Variants in ELP2 observed in about 807,000 individuals in gnomAD.
ELP2 encodes the protein elongator acetyltransferase complex subunit 2.
In ELP2, 90 loss-of-function variants were observed where a neutral mutation model predicts 119.2. That is an observed-to-expected ratio of 0.75 (90% CI 0.64 to 0.90). The LOEUF (loss-of-function observed/expected upper bound fraction) is 0.90, where lower values mean the gene tolerates loss of function less well. Ranked by LOEUF, ELP2 falls within the 40% of genes least tolerant of loss-of-function variation. The pLI is 0.00. For synonymous variants in ELP2, 339 were observed against 331.0 expected (o/e 1.02, Z -0.26); for missense variants, 921 against 967.8 (o/e 0.95, Z 0.64).
chr18:36,168,800 G>A (rs80267322), intron 19 of ELP2, among the ~76,000 whole-genome samples: 10,461 of 152,056 alleles, frequency 0.069, 442 homozygotes, highest in Non-Finnish European at 0.094. Flanking sequence ...AGCAGCATTC[G>A]CTGGACATTC....
In ELP2 at chr18:36,178,824, C is replaced by T. The variant is rs956574601; in HGVS notation, c.*4183C>T. ...TGTTTCATAATGATTGTGTGTGTGT[C>T]AAGGACTAGATGGGTTTTAGATGTG... On this transcript the variant is annotated 3_prime_UTR_variant, in exon 22 of 22. Coordinates refer to ENST00000358232, the MANE Select transcript of ELP2 (RefSeq NM_018255.4). The T allele has an allele frequency of 1.3e-5, 2 of 151,764 alleles. No homozygotes were observed. Among genetic ancestry groups the T allele is most frequent in the Non-Finnish European group, 2.9e-5 (2 of 67,996 alleles). The allele number at this position is 151,764 out of a possible 1,614,324, so 9.4% of individuals were successfully genotyped here. A position where few individuals can be genotyped will look rare whatever the true frequency, so the allele number is the denominator to read the frequency against.
chr18:36,135,014 CAT>C (rs2089777307), intron 2 of ELP2, among the ~76,000 whole-genome samples: 1 of 152,270 alleles, frequency 6.6e-6, no homozygotes, highest in Admixed American at 6.5e-5. Flanking sequence ...GGATTAGTCA[CAT>C]GTTAGGTCAA....
chr18:36,158,924 A>G lies in ELP2; in HGVS notation c.1534+20A>G. 6.4e-7 allele frequency: 1 copy of G among 1,572,604 alleles called. No individual in the cohort carries two copies. Among genetic ancestry groups the G allele is most frequent in the Non-Finnish European group, 8.8e-7 (1 of 1,142,334 alleles). Reference sequence around the variant, plus strand: ...TTCAGGGTAAGGCTTTTGTCTTCAAAATTATTAAACCCATAGTGGTACTTA... The same window carrying G: ...TTCAGGGTAAGGCTTTTGTCTTCAAGATTATTAAACCCATAGTGGTACTTA... On this transcript the variant is annotated intron_variant, in intron 14 of 21. Transcript: ENST00000358232.
chr18:36,143,088 TTTC>T, intron 8 of ELP2, 122 bp downstream of exon 8: 1 of 704,226 alleles, frequency 1.4e-6, no homozygotes, highest in Non-Finnish European at 2.3e-6. Context: ...CTACCTGAAA[TTTC>T]TTTTTTCTTT....
chr18:36,167,270 T>G (rs1005418783), intron 19 of ELP2, 48 bp downstream of exon 19: 2 of 1,394,796 alleles, frequency 1.4e-6, no homozygotes, highest in African/African-American at 2.9e-5. Context: ...AAATAATATT[T>G]TTATAGGTAT....
Position 36,144,932 on chromosome 18 carries a change from G to C in ELP2, c.797-7G>C. 2 of 1,606,234 alleles carry C rather than the reference G, an allele frequency of 1.2e-6. No individual in the cohort carries two copies. The highest frequency in any genetic ancestry group is 1.7e-6 in the Non-Finnish European group (2 of 1,172,988). ...AGGAAATAATACCTTCATTGCTTTT[G>C]TTATAGGTGTTAAAATAGCATTTGC... On this transcript the variant is annotated splice_region_variant and splice_polypyrimidine_tract_variant and intron_variant, in intron 8 of 21. Coordinates refer to ENST00000358232, the MANE Select transcript of ELP2 (RefSeq NM_018255.4).
At chr18:36,141,050 C>A in intron 5 of ELP2, 87 bp from the exon 6 acceptor site, 1 of 1,088,664 alleles carries the variant, frequency 9.2e-7, no homozygotes, top group Non-Finnish European at 1.4e-6. Context: ...GGATTCTTTA[C>A]TTAGAGCTTA....
intron 5 of ELP2, chr18:36,139,317 A>C: frequency 3.4e-6 from 4 of 1,172,052 alleles, no homozygotes; most frequent in Non-Finnish European, 4.7e-6. Context: ...CTGCAAACAG[A>C]AAAATTTCCC....
intron 19 of ELP2, among the ~76,000 whole-genome samples, chr18:36,169,394 T>TCC (rs2091008559): frequency 6.6e-6 from 1 of 151,388 alleles, no homozygotes; most frequent in Non-Finnish European, 1.5e-5. Flanking sequence ...AGTTCTTTTT[T>TCC]TTTTTTTTTG....
chr18:36,133,141 T>A, intron 1 of ELP2, 97 bp from the exon 2 acceptor site: 1 of 833,544 alleles, frequency 1.2e-6, no homozygotes, highest in Admixed American at 2.0e-5. Flanking sequence ...CCTGATCTTT[T>A]TACTAGCATC....
Position 36,154,056 on chromosome 18 carries a change from T to C in ELP2, c.1126-794T>C, listed in dbSNP as rs187627384. ...TTGTTCACAGAGGGAGTAACATTTT[T>C]TGTCACAGGCTTTTTTTTTTTTTTT... is the stretch of plus-strand genomic sequence containing the variant. On this transcript the variant is annotated intron_variant, in intron 11 of 21. Transcript: ENST00000358232. 6.7e-4 allele frequency among the ~76,000 whole-genome samples: 101 copies of C among 150,866 alleles called. 2 individuals carry two copies. The East Asian group carries it at 0.017, about 26-fold the overall frequency.
At chr18:36,136,890 A>G (rs2089844690) in intron 3 of ELP2, among the ~76,000 whole-genome samples, 1 of 152,196 alleles carries the variant, frequency 6.6e-6, no homozygotes, top group Non-Finnish European at 1.5e-5. Flanking sequence ...GACTCTTCTC[A>G]GTGCTACCCC....
At chr18:36,141,314 A>G (rs1454253568) in intron 6 of ELP2, 113 bp downstream of exon 6, 3 of 865,404 alleles carry the variant, frequency 3.5e-6, no homozygotes, top group Admixed American at 2.0e-5. Flanking sequence ...AACCAAAATA[A>G]TCCAATAGAA....
chr18:36,154,349 A>T (rs544099033), intron 11 of ELP2, among the ~76,000 whole-genome samples: 28 of 152,056 alleles, frequency 1.8e-4, no homozygotes, highest in African/African-American at 6.0e-4. Flanking sequence ...TACACCTGTA[A>T]CTCTTTTTAC....
intron 17 of ELP2, among the ~76,000 whole-genome samples, chr18:36,163,481 A>AT (rs551701846): frequency 2.0e-3 from 289 of 146,998 alleles, no homozygotes; most frequent in Middle Eastern, 3.6e-3. Context: ...CAGTTTATCA[A>AT]TTTTTTTTTT....
intron 21 of ELP2, among the ~76,000 whole-genome samples, chr18:36,171,725 G>T (rs908297337): frequency 1.3e-5 from 2 of 151,858 alleles, no homozygotes; most frequent in East Asian, 1.9e-4. Flanking sequence ...TATTCTTTTT[G>T]TGTGTGTGTG....
intron 6 of ELP2, among the ~76,000 whole-genome samples, chr18:36,141,876 A>G (rs139695083): frequency 6.6e-6 from 1 of 152,028 alleles, no homozygotes; most frequent in African/African-American, 2.4e-5. Flanking sequence ...TTTTTTGTAG[A>G]CACAGGGTCT....
chr18:36,159,633 C>T (rs547037905), intron 14 of ELP2, 102 bp from the exon 15 acceptor site: 353 of 883,706 alleles, frequency 4.0e-4, no homozygotes, highest in Non-Finnish European at 6.2e-4. Context: ...AATTGCACCA[C>T]TTTGAATTAC....
chr18:36,169,619 C>A (rs1409553796), intron 19 of ELP2, among the ~76,000 whole-genome samples: 1 of 152,062 alleles, frequency 6.6e-6, no homozygotes, highest in Non-Finnish European at 1.5e-5. Context: ...AACTCCTGAC[C>A]TCAGGTGATC....
Sources: gnomAD v4.1 joint callset for allele counts (sites outside exome capture counted in the v4.1 genomes callset) on GRCh38, gnomAD v4.1.1 for gene constraint, MANE v1.5 for transcripts, NCBI Gene and HGNC (gene_info 2026-07-23, HGNC 2026-07-21) for gene names.